SLC12A8: variants seen among roughly 807,000 people sequenced by gnomAD.
SLC12A8 encodes cation-chloride cotransporter 9.
SLC12A8 carries 69 observed loss-of-function variants against 75.6 expected under a neutral mutation model. The observed-to-expected ratio is 0.91, with a 90% CI of 0.75 to 1.11. The LOEUF is 1.11. Among genes scored for constraint, SLC12A8 ranks in the 50% most tolerant of loss-of-function variants. The pLI is 0.00. For synonymous variants in SLC12A8, 365 were observed against 372.8 expected, an observed-to-expected ratio of 0.98 and a Z score of 0.24; for missense variants, 877 against 896.7, an observed-to-expected ratio of 0.98 and a Z score of 0.28.
At chr3:125,195,987 C>A (rs1009960783) in intron 2 of SLC12A8, among the ~76,000 whole-genome samples, 1 of 152,182 alleles carries the variant, frequency 6.6e-6, no homozygotes, top group Admixed American at 6.6e-5. Flanking sequence ...ATGCCCTCCC[C>A]CTAATAACAG....
chr3:125,148,353 A>G (rs1211465542), intron 5 of SLC12A8, among the ~76,000 whole-genome samples: 1 of 152,060 alleles, frequency 6.6e-6, no homozygotes, highest in Non-Finnish European at 1.5e-5. Flanking sequence ...TATTTCTTCA[A>G]AACACGTCCC....
intron 2 of SLC12A8, among the ~76,000 whole-genome samples, chr3:125,208,785 CACACACAG>C (rs1184907461): frequency 2.8e-4 from 28 of 98,592 alleles, no homozygotes; most frequent in African/African-American, 8.6e-4. Flanking sequence ...CACACACACA[CACACACAG>C]AGAGAGAGAG....
At chr3:125,210,870 AAAG>A (rs1935324176) in intron 2 of SLC12A8, among the ~76,000 whole-genome samples, 1 of 152,242 alleles carries the variant, frequency 6.6e-6, no homozygotes. Context: ...GATAAAGAAA[AAAG>A]AAGAAAAAAA....
intron 5 of SLC12A8, among the ~76,000 whole-genome samples, chr3:125,148,126 C>T (rs1006702516): frequency 5.9e-5 from 9 of 152,164 alleles, no homozygotes; most frequent in African/African-American, 2.2e-4. Context: ...GGTCTGACTC[C>T]AAAGCCATGT....
chr3:125,156,044 A>G (rs923427036), intron 5 of SLC12A8, among the ~76,000 whole-genome samples: 1 of 152,134 alleles, frequency 6.6e-6, no homozygotes, highest in Non-Finnish European at 1.5e-5. Flanking sequence ...GGCCACATAC[A>G]GAGATAATCC....
At chr3:125,199,793 A>G (rs191506968) in intron 2 of SLC12A8, among the ~76,000 whole-genome samples, 10 of 151,966 alleles carry the variant, frequency 6.6e-5, no homozygotes, top group African/African-American at 2.4e-4. Flanking sequence ...TATAATAAAC[A>G]TGAAAATACA....
At position 125,107,578 on chromosome 3, in the gene SLC12A8, G is replaced by A; in HGVS notation, c.1608C>T (p.Asn536=). The A allele has an allele frequency of 6.2e-7, 1 of 1,614,218 alleles. No homozygotes were observed. Among genetic ancestry groups the A allele is most frequent in the Non-Finnish European group, 8.5e-7 (1 of 1,180,038 alleles). ...TCCCTTCGCTCTTGGAAGTCTGCTT[G>A]TTCCAGCAGGACTCCTGCCCCTCCC... The part of the protein sequence containing the change: ...ASWEGQESCW[N]KQTSKSEGTQ... Residue 536 remains asparagine (N), a synonymous_variant, in exon 10 of 14, where the codon AAC becomes AAT. Coordinates refer to ENST00000469902, the MANE Select transcript of SLC12A8 (RefSeq NM_024628.6).
At chr3:125,212,564 C>G (rs1259443935) in intron 1 of SLC12A8, 136 bp downstream of exon 1, 3 of 152,502 alleles carry the variant, frequency 2.0e-5, no homozygotes, top group African/African-American at 4.8e-5. Flanking sequence ...CGCGGGTGAC[C>G]GGCGGTAGGA....
chr3:125,212,037 C>T (rs1935346594), intron 1 of SLC12A8, among the ~76,000 whole-genome samples: 1 of 152,034 alleles, frequency 6.6e-6, no homozygotes, highest in Admixed American at 6.5e-5. Flanking sequence ...CTGTGTGGCG[C>T]CTCTCCCCAG....
chr3:125,159,800 C>G (rs1338236813), intron 5 of SLC12A8, among the ~76,000 whole-genome samples: 1 of 152,230 alleles, frequency 6.6e-6, no homozygotes, highest in Non-Finnish European at 1.5e-5. Context: ...CATCTAGAAC[C>G]CCAGGCCTAT....
chr3:125,107,561 C>A lies in SLC12A8; in HGVS notation c.1625G>T (p.Ser542Ile). The A allele has an allele frequency of 6.2e-7, 1 of 1,614,200 alleles. No individual in the cohort carries two copies. Among genetic ancestry groups the A allele is most frequent in the Non-Finnish European group, 8.5e-7 (1 of 1,180,032 alleles). ...ESCWNKQTSKSEGTQPEGTYG... is the reference protein window; with the variant it reads ...ESCWNKQTSKIEGTQPEGTYG... ...TGTTCCCTCAGGCTGAGTCCCTTCG[C>A]TCTTGGAAGTCTGCTTGTTCCAGCA... The change falls in exon 10 of 14, where the codon AGC becomes ATC. Residue 542 changes from serine to isoleucine, a missense_variant. Physicochemically the swap from Ser to Ile is moderately radical, Grantham distance 142 (BLOSUM62 -2). Transcript: ENST00000469902.
intron 6 of SLC12A8, among the ~76,000 whole-genome samples, chr3:125,130,117 C>T (rs1933315838): frequency 6.6e-6 from 1 of 152,158 alleles, no homozygotes; most frequent in Non-Finnish European, 1.5e-5. Flanking sequence ...AATCTATGCG[C>T]TATTATCATT....
chr3:125,204,532 A>G (rs982110645), intron 2 of SLC12A8, among the ~76,000 whole-genome samples: 1 of 152,202 alleles, frequency 6.6e-6, no homozygotes, highest in Non-Finnish European at 1.5e-5. Flanking sequence ...AAAACAGTTG[A>G]CTTCATTGAG....
chr3:125,112,906 T>C (rs1431905491), intron 8 of SLC12A8, among the ~76,000 whole-genome samples: 1 of 152,208 alleles, frequency 6.6e-6, no homozygotes, highest in Non-Finnish European at 1.5e-5. Flanking sequence ...GTGCAGCCGA[T>C]GTGGAGAACC....
intron 2 of SLC12A8, among the ~76,000 whole-genome samples, chr3:125,208,791 C>CACAGAGAGAGAGAGAG (rs1368605617): frequency 5.9e-5 from 5 of 84,182 alleles, no homozygotes; most frequent in African/African-American, 2.4e-4. Context: ...CACACACACA[C>CACAGAGAGAGAGAGAG]AGAGAGAGAG....
intron 5 of SLC12A8, among the ~76,000 whole-genome samples, chr3:125,156,771 C>T (rs1166320819): frequency 7.9e-5 from 12 of 152,210 alleles, no homozygotes; most frequent in Admixed American, 4.6e-4. Context: ...ATTGCAACCA[C>T]GTTTGAAGGG....
At chr3:125,088,082 A>G (rs779357005) in intron 13 of SLC12A8, 16 of 541,384 alleles carry the variant, frequency 3.0e-5, no homozygotes, top group Non-Finnish European at 4.7e-5. Flanking sequence ...TGAGGATAAG[A>G]AGGGAAGAGG....
At chr3:125,212,154 G>A (rs1935349289) in intron 1 of SLC12A8, among the ~76,000 whole-genome samples, 2 of 152,030 alleles carry the variant, frequency 1.3e-5, no homozygotes, top group African/African-American at 4.8e-5. Flanking sequence ...GGAAGAAGGC[G>A]ACTAAGGACA....
At chr3:125,168,520 A>G (rs1295356528) in intron 5 of SLC12A8, among the ~76,000 whole-genome samples, 4 of 152,186 alleles carry the variant, frequency 2.6e-5, no homozygotes, top group Admixed American at 2.6e-4. Context: ...CTGAGGAAAA[A>G]GGCACAAAAA....
Sources: allele counts gnomAD v4.1 joint callset (sites outside exome capture counted in the v4.1 genomes callset), GRCh38; gene constraint gnomAD v4.1.1; transcripts MANE v1.5; gene names NCBI Gene and HGNC (gene_info 2026-07-23, HGNC 2026-07-21).